The following INTS2 variants were observed in gnomAD, a reference collection of about 807,000 sequenced individuals.
INTS2 encodes integrator complex subunit 2.
A neutral mutation model predicts 139.6 loss-of-function variants in INTS2; 57 were observed. The observed-to-expected ratio is 0.41, with a 90% CI of 0.33 to 0.51. INTS2 has a LOEUF of 0.51. INTS2 is among the 20% of genes least tolerant of loss of function. The pLI is 0.28. For synonymous variants in INTS2, 473 were observed against 493.4 expected, an observed-to-expected ratio of 0.96 and a Z score of 0.55; for missense variants, 1,196 against 1,436.7, an observed-to-expected ratio of 0.83 and a Z score of 2.71.
chr17:61,916,470 G>C (rs1266942135), intron 5 of INTS2, among the ~76,000 whole-genome samples: 3 of 152,040 alleles, frequency 2.0e-5, no homozygotes, highest in South Asian at 2.1e-4. Context: ...CAATGCAACA[G>C]AATAGAAAAC....
intron 9 of INTS2, among the ~76,000 whole-genome samples, chr17:61,898,320 T>C (rs1255952931): frequency 3.9e-5 from 6 of 152,066 alleles, no homozygotes; most frequent in Admixed American, 2.6e-4. Flanking sequence ...TTTGAGACAA[T>C]GTCTTGCTCT....
intron 15 of INTS2, 70 bp from the exon 16 acceptor site, chr17:61,885,075 A>C: frequency 9.9e-7 from 1 of 1,005,800 alleles, no homozygotes; most frequent in Non-Finnish European, 1.5e-6. Context: ...CTTCAACCCA[A>C]ATGGAAACAA....
At chr17:61,890,983 CAAAAAAAAA>C (rs753902456) in intron 14 of INTS2, among the ~76,000 whole-genome samples, 3 of 11,320 alleles carry the variant, frequency 2.7e-4, no homozygotes, top group African/African-American at 3.4e-4. Flanking sequence ...ACTCCAGTCT[CAAAAAAAAA>C]AAAAAAAAAA....
chr17:61,872,202 C>T lies in INTS2; in HGVS notation c.2778+63G>A, dbSNP rs566823657. 1.7e-5 allele frequency: 19 copies of T among 1,088,484 alleles called. No individual in the cohort carries two copies. The East Asian group carries it at 4.5e-4, about 26-fold the overall frequency. 67.4% of individuals were successfully genotyped at this position (1,088,484 alleles called of 1,614,324 possible). A position where few individuals can be genotyped will look rare whatever the true frequency, so the allele number is the denominator to read the frequency against. On this transcript the variant is annotated intron_variant, in intron 20 of 24. Transcript: ENST00000251334. This position sits in a 1 kb window ranked among gnomAD's most constrained non-coding sequence, Gnocchi z 4.8. ...AGCGCACAATGTGCCATCTATTGAA[C>T]TGATTATACTAGTAGAGAAGCCCTT... is the stretch of plus-strand genomic sequence containing the variant.
At position 61,875,070 on chromosome 17, in the gene INTS2, G is replaced by GT; in HGVS notation, c.2457-33dup. The GT allele has an allele frequency of 1.3e-6, 2 of 1,513,466 alleles. No individual in the cohort carries two copies. Among genetic ancestry groups the GT allele is most frequent in the South Asian group, 1.3e-5 (1 of 78,452 alleles). The allele number at this position is 1,513,466 out of a possible 1,614,324, so 93.8% of individuals were successfully genotyped here. A position where few individuals can be genotyped will look rare whatever the true frequency, so the allele number is the denominator to read the frequency against. ...AGAAAATAATCACATGTTCAAAACAGTTTTTTATATATTAAAATCTGTAGC... is the reference window on the plus strand; with the variant it reads ...AGAAAATAATCACATGTTCAAAACAGTTTTTTTATATATTAAAATCTGTAGC... On this transcript the variant is annotated intron_variant, in intron 18 of 24. Transcript: ENST00000251334. This position sits in a 1 kb window ranked among gnomAD's most constrained non-coding sequence, Gnocchi z 4.6.
At chr17:61,894,839 T>TA (rs35706298) in intron 12 of INTS2, among the ~76,000 whole-genome samples, 2,663 of 140,692 alleles carry the variant, frequency 0.019, 22 homozygotes, top group Non-Finnish European at 0.022. Flanking sequence ...CAAAGTGAGA[T>TA]AAAAAAAAAA....
chr17:61,895,471 C>CA (rs2079337829), intron 11 of INTS2, 88 bp from the exon 12 acceptor site: 1 of 705,806 alleles, frequency 1.4e-6, no homozygotes. Flanking sequence ...GGCTATGATA[C>CA]ACATAAATGT....
At chr17:61,900,374 T>G (rs190589081) in intron 9 of INTS2, among the ~76,000 whole-genome samples, 188 of 152,324 alleles carry the variant, frequency 1.2e-3, no homozygotes, top group African/African-American at 4.2e-3. Context: ...GAGAGAAGAC[T>G]GGAGATTTAT....
rs1445710029 is a variant in INTS2, at chr17:61,882,867, CAGT to C, written c.2090-1699_2090-1697del. ...TTATCATCATAACAGTAAGACTACG[CAGT>C]AGTAGTAGGAATCAAAGTACTTTAG... On this transcript the variant is annotated intron_variant, in intron 16 of 24. Transcript: ENST00000251334. The surrounding 1 kb of genome is among the most constrained non-coding windows in gnomAD (Gnocchi z 4.7). 6.6e-6 allele frequency among the ~76,000 whole-genome samples: 1 copy of C among 152,150 alleles called. No individual in the cohort carries two copies. Among genetic ancestry groups the C allele is most frequent in the Non-Finnish European group, 1.5e-5 (1 of 68,038 alleles).
chr17:61,927,806 C>G lies in INTS2; in HGVS notation c.-171G>C. On this transcript the variant is annotated 5_prime_UTR_variant, in exon 1 of 25. Coordinates refer to ENST00000251334, the MANE Select transcript of INTS2 (RefSeq NM_001351695.2). ...TTGTGCCTCGAGTCGACTCGGACAC[C>G]AAGAACTCAGACGCCGGGACCAACC... The G allele has an allele frequency of 1.2e-6, 2 of 1,608,436 alleles. No homozygotes were observed. Among genetic ancestry groups the G allele is most frequent in the African/African-American group, 2.7e-5 (2 of 74,882 alleles).
intron 5 of INTS2, among the ~76,000 whole-genome samples, chr17:61,915,538 T>G (rs1478289178): frequency 2.3e-5 from 3 of 130,624 alleles, no homozygotes; most frequent in Non-Finnish European, 4.9e-5. Flanking sequence ...AAAAAAAAAG[T>G]CCGGGCGCGG....
In INTS2 at chr17:61,866,572, C is replaced by T. The variant is rs1389079753; in HGVS notation, c.*985G>A. The T allele has an allele frequency of 6.6e-6, 1 of 152,040 alleles. No individual in the cohort carries two copies. The allele number at this position is 152,040 out of a possible 1,614,324, so 9.4% of individuals were successfully genotyped here. A position where few individuals can be genotyped will look rare whatever the true frequency, so the allele number is the denominator to read the frequency against. On this transcript the variant is annotated 3_prime_UTR_variant, in exon 25 of 25. Coordinates refer to ENST00000251334, the MANE Select transcript of INTS2 (RefSeq NM_001351695.2). ...TCCTTCGGCAAGACAATATTTTCTACACTTTAACTTTTCCTCAGGTTCAAA... is the reference window on the plus strand; with the variant it reads ...TCCTTCGGCAAGACAATATTTTCTATACTTTAACTTTTCCTCAGGTTCAAA...
chr17:61,911,261 C>T (rs2079523756), intron 7 of INTS2: 1 of 441,934 alleles, frequency 2.3e-6, no homozygotes, highest in Admixed American at 4.0e-5. Flanking sequence ...ACCAGCTGTT[C>T]CTATTTTTAA....
intron 15 of INTS2, among the ~76,000 whole-genome samples, chr17:61,888,568 T>TGCGTGCGTGC (rs1567897745): frequency 4.9e-5 from 4 of 81,300 alleles, no homozygotes; most frequent in Middle Eastern, 6.0e-3. Context: ...TGCGTGCGTG[T>TGCGTGCGTGC]GTGTGTGTGT....
intron 9 of INTS2, among the ~76,000 whole-genome samples, chr17:61,902,061 A>G (rs924414101): frequency 6.6e-6 from 1 of 152,116 alleles, no homozygotes; most frequent in African/African-American, 2.4e-5. Flanking sequence ...GTGTTGCTTC[A>G]TTGTCTTCTA....
chr17:61,878,944 A>AAAAAAAAC (rs1555621255), intron 17 of INTS2, among the ~76,000 whole-genome samples: 2,566 of 137,248 alleles, frequency 0.019, 319 homozygotes, highest in African/African-American at 0.085. Flanking sequence ...AAAAAAAAAA[A>AAAAAAAAC]AAAAAAAAAA....
Position 61,907,491 on chromosome 17 carries a change from A to G in INTS2, c.1098T>C (p.Tyr366=), listed in dbSNP as rs374107025. 7.3e-4 allele frequency: 1,170 copies of G among 1,602,984 alleles called. 7 individuals are homozygous for G. The highest frequency in any genetic ancestry group is 1.5e-4 in the Non-Finnish European group (182 of 1,174,936). ...DVDMEPNVSV[Y]SGLKEEHVVK... ...CAACATGCTCTTCTTTCAGCCCCGAATACACAGACACATTGGGCTCCATAT... is the reference window on the plus strand; with the variant it reads ...CAACATGCTCTTCTTTCAGCCCCGAGTACACAGACACATTGGGCTCCATAT... Residue 366 remains tyrosine, a synonymous_variant, in exon 8 of 25, where the codon TAT becomes TAC. Coordinates refer to ENST00000251334, the MANE Select transcript of INTS2 (RefSeq NM_001351695.2).
In INTS2 at chr17:61,868,195, A is replaced by C. The variant is rs569663796; in HGVS notation, c.3245-186T>G. On this transcript the variant is annotated intron_variant, in intron 23 of 24. Transcript: ENST00000251334. This position sits in a 1 kb window ranked among gnomAD's most constrained non-coding sequence, Gnocchi z 4.7. ...TTATCCAAGATACAAATTATTATGC[A>C]CAAGTTTTGCAATAAGTACATTACA... is the stretch of plus-strand genomic sequence containing the variant. Among the ~76,000 whole-genome samples the C allele has an allele frequency of 6.6e-6, 1 of 152,298 alleles. No homozygotes were observed. The highest frequency in any genetic ancestry group is 2.1e-4 in the South Asian group (1 of 4,822).
chr17:61,875,626 C>T lies in INTS2; in HGVS notation c.2457-588G>A, dbSNP rs569064501. ...TCTTACAGTGAAGCCCAGGAATCCA[C>T]CAGAGAACTTCCCCCTCTTAAATAT... On this transcript the variant is annotated intron_variant, in intron 18 of 24. Coordinates refer to ENST00000251334, the MANE Select transcript of INTS2 (RefSeq NM_001351695.2). This position sits in a 1 kb window ranked among gnomAD's most constrained non-coding sequence, Gnocchi z 4.6. Among the ~76,000 whole-genome samples the T allele has an allele frequency of 6.6e-6, 1 of 152,094 alleles. No homozygotes were observed. The highest frequency in any genetic ancestry group is 2.4e-5 in the African/African-American group (1 of 41,484).
Sources: gnomAD v4.1 joint callset for allele counts (sites outside exome capture counted in the v4.1 genomes callset) on GRCh38, gnomAD v4.1.1 for gene constraint, Gnocchi (gnomAD v3.1) non-coding constraint, MANE v1.5 for transcripts, NCBI Gene and HGNC (gene_info 2026-07-23, HGNC 2026-07-21) for gene names.